The following SAMMSON variants were observed in gnomAD, a reference collection of about 807,000 sequenced individuals.
SAMMSON encodes the protein long intergenic non-protein coding RNA 1212.
At chr3:70,305,288 C>T (rs1487587996) in intron 7 of SAMMSON, among the ~76,000 whole-genome samples, 1 of 152,050 alleles carries the variant, frequency 6.6e-6, no homozygotes, top group Non-Finnish European at 1.5e-5. Flanking sequence ...TTTTCTTCAC[C>T]CCTATTTTTG....
intron 4 of SAMMSON, among the ~76,000 whole-genome samples, chr3:70,230,139 C>T (rs146772163): frequency 4.4e-4 from 67 of 152,160 alleles, no homozygotes; most frequent in African/African-American, 1.5e-3. Context: ...ATGGTCAGGC[C>T]GAAATTGAAA....
chr3:70,368,156 C>A (rs1379192404), intron 9 of SAMMSON, among the ~76,000 whole-genome samples: 1 of 151,190 alleles, frequency 6.6e-6, no homozygotes, highest in East Asian at 1.9e-4. Flanking sequence ...TCAGGCAGTG[C>A]TTTTGTTATT....
At chr3:70,023,070 T>C (rs1340476944) in intron 3 of SAMMSON, among the ~76,000 whole-genome samples, 2 of 152,192 alleles carry the variant, frequency 1.3e-5, no homozygotes, top group Non-Finnish European at 2.9e-5. Context: ...AAATCTCACC[T>C]CATCTCATAA....
intron 9 of SAMMSON, among the ~76,000 whole-genome samples, chr3:70,385,310 T>C (rs1453326084): frequency 2.6e-5 from 4 of 152,102 alleles, no homozygotes; most frequent in Non-Finnish European, 5.9e-5. Context: ...TCATCAGATA[T>C]TAATACTTCC....
chr3:70,084,568 C>CGTGCCT (rs921571623), intron 4 of SAMMSON, among the ~76,000 whole-genome samples: 5 of 152,126 alleles, frequency 3.3e-5, no homozygotes, highest in African/African-American at 4.8e-5. Context: ...CCCTTGCCTT[C>CGTGCCT]GTGCCTGTCC....
intron 9 of SAMMSON, among the ~76,000 whole-genome samples, chr3:70,381,550 A>C (rs1376498288): frequency 1.3e-5 from 2 of 152,200 alleles, no homozygotes; most frequent in Non-Finnish European, 2.9e-5. Context: ...TCATATTAAT[A>C]AATGAGACAA....
intron 9 of SAMMSON, among the ~76,000 whole-genome samples, chr3:70,380,186 G>T (rs1223517985): frequency 6.6e-6 from 1 of 151,978 alleles, no homozygotes; most frequent in African/African-American, 2.4e-5. Context: ...TTTATCCTCA[G>T]GTCAAAAATT....
chr3:70,323,062 A>G (rs941678014), intron 7 of SAMMSON, among the ~76,000 whole-genome samples: 1 of 152,094 alleles, frequency 6.6e-6, no homozygotes, highest in Non-Finnish European at 1.5e-5. Flanking sequence ...GAAATTTCTC[A>G]TTCCACAAAT....
chr3:70,350,814 T>C (rs1702789025), intron 7 of SAMMSON, among the ~76,000 whole-genome samples: 1 of 152,174 alleles, frequency 6.6e-6, no homozygotes, highest in Admixed American at 6.5e-5. Context: ...GTGGACGGCC[T>C]AATTTAGACT....
intron 3 of SAMMSON, among the ~76,000 whole-genome samples, chr3:70,050,554 T>C (rs951788669): frequency 5.9e-5 from 9 of 152,144 alleles, no homozygotes; most frequent in African/African-American, 9.7e-5. Flanking sequence ...TAATTACATA[T>C]GTTAATTGAC....
intron 4 of SAMMSON, among the ~76,000 whole-genome samples, chr3:70,188,472 A>C (rs535046430): frequency 2.0e-5 from 3 of 152,350 alleles, no homozygotes; most frequent in African/African-American, 7.2e-5. Context: ...ATCTAAGAGA[A>C]GAAAAAATAA....
At chr3:70,344,791 G>T (rs1336158385) in intron 7 of SAMMSON, among the ~76,000 whole-genome samples, 2 of 152,152 alleles carry the variant, frequency 1.3e-5, no homozygotes, top group Non-Finnish European at 2.9e-5. Context: ...CCTGTCGCAA[G>T]TCCTGCAAGG....
At chr3:70,432,396 AATATAT>A in intron 2 of SAMMSON, among the ~76,000 whole-genome samples, 1 of 147,936 alleles carries the variant, frequency 6.8e-6, no homozygotes, top group Non-Finnish European at 1.5e-5. Flanking sequence ...TCATTTGTCA[AATATAT>A]ATATATATAT....
At chr3:70,139,035 C>G (rs1463024345) in intron 4 of SAMMSON, among the ~76,000 whole-genome samples, 1 of 152,114 alleles carries the variant, frequency 6.6e-6, no homozygotes, top group African/African-American at 2.4e-5. Context: ...TTTGATATAT[C>G]TTCATTACAG....
intron 9 of SAMMSON, among the ~76,000 whole-genome samples, chr3:70,360,418 A>G (rs2106739646): frequency 6.6e-6 from 1 of 152,268 alleles, no homozygotes; most frequent in East Asian, 1.9e-4. Flanking sequence ...TAACTATACA[A>G]GTAAGTCACT....
intron 4 of SAMMSON, among the ~76,000 whole-genome samples, chr3:70,159,804 G>T (rs1172952373): frequency 2.0e-5 from 3 of 151,940 alleles, no homozygotes; most frequent in Non-Finnish European, 4.4e-5. Flanking sequence ...TGATCTTCCT[G>T]CCTCGGCCTC....
At chr3:70,051,964 G>A (rs1278749265) in intron 3 of SAMMSON, among the ~76,000 whole-genome samples, 1 of 151,946 alleles carries the variant, frequency 6.6e-6, no homozygotes, top group African/African-American at 2.4e-5. Flanking sequence ...CAGGCATGGT[G>A]GCATGTGCCT....
intron 4 of SAMMSON, among the ~76,000 whole-genome samples, chr3:70,207,605 T>C (rs1261995051): frequency 6.6e-6 from 1 of 151,840 alleles, no homozygotes; most frequent in Non-Finnish European, 1.5e-5. Flanking sequence ...AAATCCTAGA[T>C]ACACAGATTG....
intron 6 of SAMMSON, among the ~76,000 whole-genome samples, chr3:70,257,929 C>T (rs1701831904): frequency 6.6e-6 from 1 of 152,072 alleles, no homozygotes; most frequent in Non-Finnish European, 1.5e-5. Flanking sequence ...TAAGGATAGA[C>T]ATATACATCA....
Sources: gnomAD v4.1 joint callset for allele counts (sites outside exome capture counted in the v4.1 genomes callset) on GRCh38, gnomAD v4.1.1 for gene constraint, MANE v1.5 for transcripts, NCBI Gene and HGNC (gene_info 2026-07-23, HGNC 2026-07-21) for gene names.